CXADR: variants seen among roughly 807,000 people sequenced by gnomAD.
CXADR encodes CXADR cell adhesion molecule, also known as coxsackievirus and adenovirus receptor.
CXADR carries 20 observed loss-of-function variants against 40.3 expected under a neutral mutation model. That is an observed-to-expected ratio of 0.50 (90% confidence interval 0.35 to 0.72). CXADR has a LOEUF of 0.72. Among genes scored for constraint, CXADR ranks in the 30% least tolerant of loss-of-function variants. CXADR has a pLI of 0.01. For missense variants in CXADR, 332 were observed against 449.1 expected (o/e 0.74, Z 2.36); for synonymous variants, 150 against 161.3 (o/e 0.93, Z 0.53).
At chr21:17,544,288 G>A (rs1569106107) in intron 1 of CXADR, among the ~76,000 whole-genome samples, 2 of 152,160 alleles carry the variant, frequency 1.3e-5, no homozygotes, top group South Asian at 2.1e-4. Flanking sequence ...TTGAGATTAT[G>A]TACATAAATA....
chr21:17,605,069 C>T, the CXADR span: 10 of 1,517,780 alleles, frequency 6.6e-6, no homozygotes, highest in Non-Finnish European at 8.9e-6. Context: ...TCTATTCATA[C>T]TTGCCAAGGT....
intron 2 of CXADR, among the ~76,000 whole-genome samples, chr21:17,551,190 A>G (rs772330322): frequency 2.0e-5 from 3 of 152,310 alleles, no homozygotes; most frequent in Middle Eastern, 3.4e-3. Context: ...CCCTGAGGTC[A>G]GAAGTTCGAG....
At chr21:17,592,645 T>C (rs2061449297) in intron 7 of CXADR, among the ~76,000 whole-genome samples, 1 of 151,862 alleles carries the variant, frequency 6.6e-6, no homozygotes, top group African/African-American at 2.4e-5. Context: ...TTTCCTTTTT[T>C]TCTTTCAATA....
At chr21:17,560,373 A>T (rs1440579645) in intron 4 of CXADR, among the ~76,000 whole-genome samples, 1 of 152,160 alleles carries the variant, frequency 6.6e-6, no homozygotes, top group Non-Finnish European at 1.5e-5. Context: ...TGCTGCAGGA[A>T]AGATCCTTTG....
chr21:17,553,072 A>G (rs563018077), intron 3 of CXADR, among the ~76,000 whole-genome samples: 2,058 of 152,202 alleles, frequency 0.014, 44 homozygotes, highest in African/African-American at 0.045. Context: ...ACAGGCATGC[A>G]CCACCACGCC....
intron 1 of CXADR, chr21:17,518,702 G>T: frequency 1.2e-6 from 2 of 1,608,192 alleles, no homozygotes; most frequent in East Asian, 2.2e-5. Context: ...AATATTCCAG[G>T]TATCATTTCT....
At chr21:17,556,578 A>G (rs1327016208) in intron 3 of CXADR, among the ~76,000 whole-genome samples, 1 of 152,226 alleles carries the variant, frequency 6.6e-6, no homozygotes, top group Non-Finnish European at 1.5e-5. Context: ...ATTTATTCTA[A>G]TAAAGGATTT....
At chr21:17,578,041 A>C (rs1301495889) in intron 7 of CXADR, among the ~76,000 whole-genome samples, 3 of 152,064 alleles carry the variant, frequency 2.0e-5, no homozygotes, top group African/African-American at 7.2e-5. Flanking sequence ...CCATCTATTA[A>C]CATTTAGGTT....
intron 4 of CXADR, among the ~76,000 whole-genome samples, chr21:17,559,346 A>AT (rs58736212): frequency 5.3e-5 from 5 of 94,492 alleles, no homozygotes; most frequent in South Asian, 4.0e-4. Context: ...CACCCTGCTA[A>AT]TTTTTTTTTT....
At chr21:17,625,147 G>A in the CXADR span, among the ~76,000 whole-genome samples, 1 of 151,892 alleles carries the variant, frequency 6.6e-6, no homozygotes, top group African/African-American at 2.4e-5. Flanking sequence ...CACCAAAAAA[G>A]CCCCAGAGGC....
chr21:17,541,421 G>A (rs2060826627), intron 1 of CXADR, among the ~76,000 whole-genome samples: 1 of 152,114 alleles, frequency 6.6e-6, no homozygotes, highest in Admixed American at 6.5e-5. Flanking sequence ...GCCGGACGTG[G>A]TGGTGGGCAC....
chr21:17,595,010 A>G (rs571145522), downstream of CXADR, among the ~76,000 whole-genome samples: 8 of 152,140 alleles, frequency 5.3e-5, no homozygotes, highest in African/African-American at 1.9e-4. Flanking sequence ...AGTTAAAAAA[A>G]AAAAAAGATA....
At chr21:17,547,329 G>A in intron 2 of CXADR, 136 bp downstream of exon 2, 1 of 1,231,860 alleles carries the variant, frequency 8.1e-7, no homozygotes, top group East Asian at 2.5e-5. Flanking sequence ...TTTATGGTCT[G>A]GGTGAGGAAG....
At chr21:17,571,912 C>T (rs2643074), downstream of CXADR, among the ~76,000 whole-genome samples, 72,438 of 152,000 alleles carry the variant, frequency 0.48, 20,794 homozygotes, top group Non-Finnish European at 0.63. Flanking sequence ...GGTGATTTAC[C>T]CACCTCAGTC....
At chr21:17,534,100 A>ATTTTTTTT (rs1157117899) in intron 1 of CXADR, among the ~76,000 whole-genome samples, 3 of 60,070 alleles carry the variant, frequency 5.0e-5, no homozygotes, top group African/African-American at 1.8e-4. Context: ...ATATATATAT[A>ATTTTTTTT]TTTTTTTTTT....
intron 1 of CXADR, among the ~76,000 whole-genome samples, chr21:17,537,206 C>T (rs1331217876): frequency 6.6e-6 from 1 of 152,232 alleles, no homozygotes; most frequent in African/African-American, 2.4e-5. Flanking sequence ...CTTAGTGCCT[C>T]CTCTGATTTG....
chr21:17,619,309 C>G, the CXADR span, among the ~76,000 whole-genome samples: 1 of 152,140 alleles, frequency 6.6e-6, no homozygotes, highest in African/African-American at 2.4e-5. Flanking sequence ...CATGTAAAAC[C>G]AGGAGTTCAA....
At chr21:17,535,272 G>A (rs190167508) in intron 1 of CXADR, among the ~76,000 whole-genome samples, 248 of 152,188 alleles carry the variant, frequency 1.6e-3, no homozygotes, top group Non-Finnish European at 5.3e-4. Context: ...GACCACAGGC[G>A]TGCACTACCA....
In CXADR at chr21:17,591,635, T is replaced by C. The variant is rs2824383; in HGVS notation, c.1018-1517T>C. ...TTTTCAAATATCCAAGTTTAACCTATAAAATTTAGAGCTTTGCAGTTATGC... is the reference window on the plus strand; with the variant it reads ...TTTTCAAATATCCAAGTTTAACCTACAAAATTTAGAGCTTTGCAGTTATGC... On this transcript the variant is annotated intron_variant, in intron 7 of 7. Transcript: ENST00000400169. 6.4e-3 allele frequency among the ~76,000 whole-genome samples: 969 copies of C among 152,046 alleles called. 59 individuals carry two copies. In the East Asian group the frequency reaches 0.13, roughly 21 times the overall value.
Sources: gnomAD v4.1 joint callset for allele counts (sites outside exome capture counted in the v4.1 genomes callset) on GRCh38, gnomAD v4.1.1 for gene constraint, MANE v1.5 for transcripts, NCBI Gene and HGNC (gene_info 2026-07-23, HGNC 2026-07-21) for gene names.